Variants in CNTN4 observed in about 807,000 individuals in gnomAD.
CNTN4 encodes the protein contactin 4.
Under a neutral mutation model 122.5 loss-of-function variants are expected in CNTN4, and 77 were observed. The observed-to-expected ratio is 0.63, with a 90% CI of 0.52 to 0.76. CNTN4 has a LOEUF of 0.76. CNTN4 is among the 30% of genes least tolerant of loss of function. CNTN4 has a pLI of 0.00. For missense variants in CNTN4, 1,256 were observed against 1,259.1 expected (o/e 1.00, Z 0.04); for synonymous variants, 512 against 447.0 (o/e 1.15, Z -1.83).
chr3:2,772,660 G>A (rs563287965), intron 6 of CNTN4, among the ~76,000 whole-genome samples: 54 of 152,262 alleles, frequency 3.5e-4, no homozygotes, highest in African/African-American at 1.2e-3. Context: ...AATTATTTCA[G>A]GAAAACTAGA....
intron 13 of CNTN4, among the ~76,000 whole-genome samples, chr3:2,960,867 G>C (rs73116632): frequency 1.3e-5 from 2 of 151,936 alleles, no homozygotes; most frequent in Admixed American, 6.6e-5. Context: ...AAATGATTTT[G>C]AAAGTCCTTG....
chr3:2,858,877 A>T (rs572917244), intron 7 of CNTN4, among the ~76,000 whole-genome samples: 1 of 152,226 alleles, frequency 6.6e-6, no homozygotes, highest in African/African-American at 2.4e-5. Flanking sequence ...GCTCATTAAC[A>T]TGTTCATTAC....
intron 3 of CNTN4, among the ~76,000 whole-genome samples, chr3:2,389,491 G>A (rs747517788): frequency 5.9e-5 from 9 of 152,192 alleles, no homozygotes; most frequent in Non-Finnish European, 7.4e-5. Flanking sequence ...ACTACTGATC[G>A]CCTTATTTTA....
At chr3:2,106,964 T>G (rs368029343) in intron 2 of CNTN4, among the ~76,000 whole-genome samples, 1 of 152,224 alleles carries the variant, frequency 6.6e-6, no homozygotes, top group South Asian at 2.1e-4. Flanking sequence ...GAGTGACCTT[T>G]GCTTCAGTTC....
intron 13 of CNTN4, among the ~76,000 whole-genome samples, chr3:2,952,429 G>T (rs2094755328): frequency 6.6e-6 from 1 of 152,154 alleles, no homozygotes; most frequent in African/African-American, 2.4e-5. Flanking sequence ...CACCTGCAAT[G>T]TTCTGCTCAG....
intron 2 of CNTN4, among the ~76,000 whole-genome samples, chr3:2,337,115 C>T (rs13086676): frequency 0.077 from 11,636 of 152,102 alleles, 506 homozygotes; most frequent in Middle Eastern, 0.085. Context: ...TATTCCCCCT[C>T]ACTCTTCTTA....
chr3:2,666,381 G>C (rs957609720), intron 4 of CNTN4, among the ~76,000 whole-genome samples: 116 of 152,062 alleles, frequency 7.6e-4, no homozygotes, highest in African/African-American at 2.5e-3. Flanking sequence ...ATCTGATTTT[G>C]AACTGGTATT....
chr3:2,348,677 G>T (rs2044495629), intron 3 of CNTN4, among the ~76,000 whole-genome samples: 1 of 151,858 alleles, frequency 6.6e-6, no homozygotes, highest in Non-Finnish European at 1.5e-5. Flanking sequence ...ATATTAGCTG[G>T]GTTCATTATG....
At chr3:2,631,965 C>T (rs1056539978) in intron 4 of CNTN4, among the ~76,000 whole-genome samples, 5 of 151,346 alleles carry the variant, frequency 3.3e-5, no homozygotes, top group African/African-American at 9.7e-5. Flanking sequence ...GTGAGAGGAT[C>T]GCTTGAGCAA....
chr3:2,585,804 A>T (rs543806008), intron 4 of CNTN4, among the ~76,000 whole-genome samples: 1 of 151,376 alleles, frequency 6.6e-6, no homozygotes, highest in Non-Finnish European at 1.5e-5. Context: ...AAACCTGCAC[A>T]TTGTGCACAC....
intron 6 of CNTN4, among the ~76,000 whole-genome samples, chr3:2,747,139 G>GT (rs1364205652): frequency 6.6e-6 from 1 of 152,030 alleles, no homozygotes; most frequent in African/African-American, 2.4e-5. Context: ...GGCCAGCGCG[G>GT]TGGCTCACGC....
chr3:2,671,814 A>G (rs1239239160), intron 4 of CNTN4, among the ~76,000 whole-genome samples: 1 of 152,108 alleles, frequency 6.6e-6, no homozygotes, highest in African/African-American at 2.4e-5. Flanking sequence ...TTTCCTCCTA[A>G]CAGCAAGGAC....
chr3:2,386,125 A>G (rs934755027), intron 3 of CNTN4, among the ~76,000 whole-genome samples: 3 of 152,054 alleles, frequency 2.0e-5, no homozygotes, highest in East Asian at 1.9e-4. Flanking sequence ...AAGGGCCTAT[A>G]TATTATTTAT....
At chr3:2,318,074 C>G (rs1296464078) in intron 2 of CNTN4, among the ~76,000 whole-genome samples, 1 of 152,054 alleles carries the variant, frequency 6.6e-6, no homozygotes, top group African/African-American at 2.4e-5. Context: ...ACGCCGAGCT[C>G]TGTGGTTCTC....
At chr3:2,671,093 G>C (rs1425503415) in intron 4 of CNTN4, among the ~76,000 whole-genome samples, 2 of 152,108 alleles carry the variant, frequency 1.3e-5, no homozygotes, top group Admixed American at 1.3e-4. Flanking sequence ...TTCTCGAGGA[G>C]TATCTTTGTG....
At chr3:2,683,826 C>T (rs886362200) in intron 4 of CNTN4, among the ~76,000 whole-genome samples, 2 of 152,156 alleles carry the variant, frequency 1.3e-5, no homozygotes, top group African/African-American at 2.4e-5. Context: ...CCTTTTATCA[C>T]CACCTGCCAT....
At chr3:2,099,946 C>A (rs2031770565) in intron 1 of CNTN4, among the ~76,000 whole-genome samples, 1 of 152,116 alleles carries the variant, frequency 6.6e-6, no homozygotes, top group Non-Finnish European at 1.5e-5. Context: ...CTCCTGAATC[C>A]CTCTGAACCA....
At chr3:2,428,488 C>A (rs1310244448) in intron 3 of CNTN4, among the ~76,000 whole-genome samples, 1 of 152,186 alleles carries the variant, frequency 6.6e-6, no homozygotes, top group African/African-American at 2.4e-5. Context: ...CAACCTTTCT[C>A]TCTGGCTGCC....
intron 3 of CNTN4, among the ~76,000 whole-genome samples, chr3:2,351,271 C>T (rs567450258): frequency 1.3e-5 from 2 of 151,962 alleles, no homozygotes; most frequent in African/African-American, 4.8e-5. Flanking sequence ...TAAAATGTAC[C>T]CCAGATAACA....
Sources: allele counts gnomAD v4.1 joint callset (sites outside exome capture counted in the v4.1 genomes callset), GRCh38; gene constraint gnomAD v4.1.1; transcripts MANE v1.5; gene names NCBI Gene and HGNC (gene_info 2026-07-23, HGNC 2026-07-21).